Variants in ETFA observed in about 807,000 individuals in gnomAD.
The protein encoded by ETFA is electron transfer flavoprotein subunit alpha, mitochondrial.
ETFA carries 22 observed loss-of-function variants against 46.2 expected under a neutral mutation model. That is an observed-to-expected ratio of 0.48 (90% CI 0.34 to 0.68). ETFA has a LOEUF of 0.68. Among genes scored for constraint, ETFA ranks in the 30% least tolerant of loss-of-function variants. The pLI, the probability that ETFA is intolerant of heterozygous loss-of-function variation, is 0.01. For missense variants in ETFA, 345 were observed against 401.1 expected, an observed-to-expected ratio of 0.86 and a Z score of 1.19; for synonymous variants, 131 against 139.9, an observed-to-expected ratio of 0.94 and a Z score of 0.45.
At chr15:76,283,876 T>C (rs1238286218) in intron 7 of ETFA, 51 bp from the exon 8 acceptor site, 2 of 1,356,298 alleles carry the variant, frequency 1.5e-6, no homozygotes, top group African/African-American at 2.9e-5. Context: ...AAATACATTC[T>C]GGAACAATTT....
At chr15:76,289,776 ACG>A (rs1338840494) in intron 4 of ETFA, among the ~76,000 whole-genome samples, 1 of 152,224 alleles carries the variant, frequency 6.6e-6, no homozygotes, top group Non-Finnish European at 1.5e-5. Context: ...CTTCTGATAG[ACG>A]TTTCTCATTC....
At chr15:76,246,907 T>C (rs1238336525) in intron 9 of ETFA, among the ~76,000 whole-genome samples, 1 of 152,020 alleles carries the variant, frequency 6.6e-6, no homozygotes, top group African/African-American at 2.4e-5. Flanking sequence ...CCAGAAGATA[T>C]GTCTGTGTAT....
In ETFA at chr15:76,254,071, A is replaced by G. The variant is rs151086269; in HGVS notation, c.816+20341T>C. Among the ~76,000 whole-genome samples the G allele has an allele frequency of 2.9e-3, 435 of 152,370 alleles. 2 individuals are homozygous for G. Among genetic ancestry groups the G allele is most frequent in the African/African-American group, 9.9e-3 (411 of 41,590 alleles). The stretch of plus-strand genomic sequence containing the variant: ...GAGGGAGGCACATTGAAATGAGCCC[A>G]GCATATATCTCCATTTCCTCCCTTG... On this transcript the variant is annotated intron_variant, in intron 9 of 11. Transcript: ENST00000557943.
chr15:76,244,815 C>T (rs2039229689), intron 9 of ETFA, among the ~76,000 whole-genome samples: 1 of 152,166 alleles, frequency 6.6e-6, no homozygotes, highest in Non-Finnish European at 1.5e-5. Context: ...TCACTATCTA[C>T]AAGACATGTC....
intron 9 of ETFA, among the ~76,000 whole-genome samples, chr15:76,258,007 T>C (rs2039362857): frequency 1.2e-5 from 1 of 83,226 alleles, no homozygotes; most frequent in African/African-American, 4.9e-5. Flanking sequence ...CATCACACTG[T>C]GGGGACCGTT....
intron 9 of ETFA, among the ~76,000 whole-genome samples, chr15:76,258,185 T>C (rs1260720404): frequency 2.0e-5 from 3 of 151,798 alleles, no homozygotes; most frequent in Non-Finnish European, 4.4e-5. Context: ...AATAAATAAA[T>C]AAATAAAGAT....
chr15:76,279,553 A>T (rs2039627863), intron 8 of ETFA, among the ~76,000 whole-genome samples: 2 of 152,300 alleles, frequency 1.3e-5, no homozygotes, highest in South Asian at 4.1e-4. Flanking sequence ...TTGGGATTAC[A>T]GGTGCGAGTC....
chr15:76,252,876 T>C (rs1035222215), intron 9 of ETFA, among the ~76,000 whole-genome samples: 2 of 147,492 alleles, frequency 1.4e-5, no homozygotes, highest in African/African-American at 5.0e-5. Context: ...TGTATGTGTA[T>C]ACACACACAC....
intron 6 of ETFA, among the ~76,000 whole-genome samples, chr15:76,286,109 GT>G (rs2039702601): frequency 6.6e-6 from 1 of 152,152 alleles, no homozygotes; most frequent in African/African-American, 2.4e-5. Context: ...AGTGACAAGA[GT>G]AAAAAAGCTT....
chr15:76,240,844 T>G (rs987125083), intron 9 of ETFA, among the ~76,000 whole-genome samples: 26 of 152,074 alleles, frequency 1.7e-4, no homozygotes, highest in African/African-American at 6.3e-4. Flanking sequence ...TCCAGAAATT[T>G]GAGGCTGCAG....
Position 76,311,437 on chromosome 15 carries a change from G to A in ETFA, c.-49C>T. 2 of 1,542,724 alleles carry A rather than the reference G, an allele frequency of 1.3e-6. No homozygotes were observed. The highest frequency in any genetic ancestry group is 1.7e-6 in the Non-Finnish European group (2 of 1,145,292). ...CGGCCTTACAGCAGCCCCGTGCCCG[G>A]CCAACTGGCGCCGCCTCAGCCAGTC... On this transcript the variant is annotated 5_prime_UTR_variant, in exon 1 of 12. Transcript: ENST00000557943.
At position 76,295,706 on chromosome 15, in the gene ETFA, A is replaced by T. The variant is rs979879737; in HGVS notation, c.71T>A (p.Val24Glu). ...ASLLRFQSTL[V>E]IAEHANDSLA... ...GGAATCATTTGCATGCTCAGCTATT[A>T]CCAGGGTACTCTGAAATCGTAGCAA... Residue 24 changes from valine to glutamate, a missense_variant, in exon 2 of 12, where the codon GTA becomes GAA. Transcript: ENST00000557943. The T allele has an allele frequency of 2.5e-6, 4 of 1,613,180 alleles. No homozygotes were observed. The highest frequency in any genetic ancestry group is 3.4e-6 in the Non-Finnish European group (4 of 1,179,684).
chr15:76,281,897 C>CTTTTTTT (rs34309169), intron 8 of ETFA, among the ~76,000 whole-genome samples: 2 of 78,100 alleles, frequency 2.6e-5, no homozygotes, highest in Non-Finnish European at 4.5e-5. Context: ...TACACGTATC[C>CTTTTTTT]TTTTTTTTTT....
intron 9 of ETFA, among the ~76,000 whole-genome samples, chr15:76,272,411 G>T (rs1201869073): frequency 6.6e-6 from 1 of 151,908 alleles, no homozygotes; most frequent in South Asian, 2.1e-4. Context: ...TAGTAGAGAC[G>T]GGGTTTCACC....
intron 1 of ETFA, among the ~76,000 whole-genome samples, chr15:76,296,057 C>A (rs1278509546): frequency 6.7e-6 from 1 of 149,662 alleles, no homozygotes; most frequent in Non-Finnish European, 1.5e-5. Flanking sequence ...GCCATTCTCC[C>A]GCCTCCGCCT....
chr15:76,305,859 G>GT lies in ETFA; in HGVS notation c.39+5490dup, dbSNP rs145324866. 5.5e-5 allele frequency among the ~76,000 whole-genome samples: 8 copies of GT among 146,628 alleles called. 1 individual carries two copies. Among genetic ancestry groups the GT allele is most frequent in the Non-Finnish European group, 9.0e-5 (6 of 66,776 alleles). Reference sequence around the variant, plus strand: ...GTCCTTCTCTTTTTCAACCTCAATAGTTGTTTTTTTTTTTTTCTTGTGGGG... The same window carrying GT: ...GTCCTTCTCTTTTTCAACCTCAATAGTTTGTTTTTTTTTTTTTCTTGTGGGG... On this transcript the variant is annotated intron_variant, in intron 1 of 11. Coordinates refer to ENST00000557943, the MANE Select transcript of ETFA (RefSeq NM_000126.4).
At chr15:76,271,443 G>A (rs1367527704) in intron 9 of ETFA, among the ~76,000 whole-genome samples, 1 of 152,060 alleles carries the variant, frequency 6.6e-6, no homozygotes, top group Non-Finnish European at 1.5e-5. Context: ...CCAAATTGAG[G>A]GACATTCTAT....
chr15:76,261,161 G>A (rs2039407905), intron 9 of ETFA: 3 of 1,531,684 alleles, frequency 2.0e-6, no homozygotes. Flanking sequence ...GAGGGAGCAG[G>A]TCCCCCGATC....
At position 76,311,388 on chromosome 15, in the gene ETFA, TG is replaced by T; in HGVS notation, c.-1del. On this transcript the variant is annotated 5_prime_UTR_variant, in exon 1 of 12. Coordinates refer to ENST00000557943, the MANE Select transcript of ETFA (RefSeq NM_000126.4). The stretch of plus-strand genomic sequence containing the variant: ...TGCCCCGGAGCCGCCGCTCGGAACA[TG>T]GTCTCCGCTTCCGCCGCAACCTCGG... 6.4e-7 allele frequency: 1 copy of T among 1,562,620 alleles called. No homozygotes were observed. Among genetic ancestry groups the T allele is most frequent in the African/African-American group, 1.4e-5 (1 of 73,974 alleles).
Sources: gnomAD v4.1 joint callset for allele counts (sites outside exome capture counted in the v4.1 genomes callset) on GRCh38, gnomAD v4.1.1 for gene constraint, MANE v1.5 for transcripts, NCBI Gene and HGNC (gene_info 2026-07-23, HGNC 2026-07-21) for gene names.